RXFP2: variants seen among roughly 807,000 people sequenced by gnomAD.
RXFP2 encodes the protein relaxin family peptide receptor 2, also known as relaxin receptor 2.
Under a neutral mutation model 88.6 loss-of-function variants are expected in RXFP2, and 68 were observed. The observed-to-expected ratio is 0.77, with a 90% CI of 0.63 to 0.94. The LOEUF (loss-of-function observed/expected upper bound fraction) is 0.94. RXFP2 is among the 40% of genes least tolerant of loss of function. The pLI, the probability that RXFP2 is intolerant of heterozygous loss-of-function variation, is 0.00. For synonymous variants in RXFP2, 329 were observed against 306.8 expected, an observed-to-expected ratio of 1.07 and a Z score of -0.76; for missense variants, 791 against 893.9, an observed-to-expected ratio of 0.88 and a Z score of 1.47.
At chr13:31,743,214 C>T (rs116346694) in intron 1 of RXFP2, among the ~76,000 whole-genome samples, 2,554 of 152,238 alleles carry the variant, frequency 0.017, 68 homozygotes, top group African/African-American at 0.057. Flanking sequence ...GTGGCTCACA[C>T]CTGTAATCCT....
At chr13:31,751,174 T>C (rs190315597) in intron 1 of RXFP2, among the ~76,000 whole-genome samples, 24 of 152,100 alleles carry the variant, frequency 1.6e-4, no homozygotes, top group South Asian at 8.3e-4. Context: ...TGCCTGTAAT[T>C]CCGGCTACTT....
intron 1 of RXFP2, among the ~76,000 whole-genome samples, chr13:31,744,585 A>C (rs1023894048): frequency 1.3e-5 from 2 of 152,242 alleles, no homozygotes; most frequent in Non-Finnish European, 2.9e-5. Context: ...CTCGAGTGGC[A>C]TAATGGCTAT....
intron 1 of RXFP2, among the ~76,000 whole-genome samples, chr13:31,750,739 G>T (rs1410428023): frequency 6.6e-6 from 1 of 152,220 alleles, no homozygotes; most frequent in African/African-American, 2.4e-5. Flanking sequence ...ATTGGATTTA[G>T]TGTCAAAATG....
intron 1 of RXFP2, among the ~76,000 whole-genome samples, chr13:31,747,034 T>C (rs1871451363): frequency 6.6e-6 from 1 of 152,216 alleles, no homozygotes; most frequent in African/African-American, 2.4e-5. Context: ...TTTTTGGCTG[T>C]TTCCTGTTTC....
chr13:31,782,829 A>G, intron 11 of RXFP2, 82 bp downstream of exon 11: 2 of 862,322 alleles, frequency 2.3e-6, no homozygotes, highest in Middle Eastern at 6.2e-4. Flanking sequence ...CTGCTTTGCC[A>G]CTAGTAGCAA....
chr13:31,782,889 C>G, intron 11 of RXFP2, 142 bp downstream of exon 11: 1 of 651,140 alleles, frequency 1.5e-6, no homozygotes, highest in Non-Finnish European at 2.8e-6. Flanking sequence ...AGAAAACCAA[C>G]ATTATCCTGA....
intron 1 of RXFP2, among the ~76,000 whole-genome samples, chr13:31,748,433 T>C (rs1287799955): frequency 6.6e-6 from 1 of 152,220 alleles, no homozygotes; most frequent in Non-Finnish European, 1.5e-5. Context: ...ATACTAGTAA[T>C]CTTAGTGATA....
chr13:31,757,194 C>T (rs535164473), intron 1 of RXFP2, among the ~76,000 whole-genome samples: 90 of 152,182 alleles, frequency 5.9e-4, no homozygotes, highest in African/African-American at 2.0e-3. Flanking sequence ...TCTAACTAGT[C>T]CTGATTTATG....
intron 14 of RXFP2, among the ~76,000 whole-genome samples, chr13:31,790,430 G>C (rs992472601): frequency 6.6e-6 from 1 of 152,232 alleles, no homozygotes; most frequent in African/African-American, 2.4e-5. Flanking sequence ...TTGGATGCCA[G>C]ATATTAGGAA....
chr13:31,791,771 C>G, intron 14 of RXFP2, 35 bp from the exon 15 acceptor site: 1 of 1,442,202 alleles, frequency 6.9e-7, no homozygotes, highest in Non-Finnish European at 9.8e-7. Context: ...TGTATCATTG[C>G]TGCAAAGTGA....
chr13:31,796,453 A>G (rs115770590), intron 16 of RXFP2, among the ~76,000 whole-genome samples: 2,325 of 152,096 alleles, frequency 0.015, 55 homozygotes, highest in African/African-American at 0.053. Flanking sequence ...TGTTTATAGG[A>G]TAAGAAAATG....
intron 15 of RXFP2, among the ~76,000 whole-genome samples, chr13:31,792,459 A>G (rs1404070745): frequency 3.3e-5 from 5 of 152,222 alleles, no homozygotes; most frequent in African/African-American, 1.2e-4. Context: ...GATTTTTTTA[A>G]ACTACAAAAT....
chr13:31,802,563 C>A lies in RXFP2; in HGVS notation c.*158C>A. On this transcript the variant is annotated 3_prime_UTR_variant, in exon 18 of 18. Transcript: ENST00000298386. ...TCCTGTCACTGCATTCCAATGGCAG[C>A]TGTACTATCTACCAACCATGCTGAG... 1 of 811,222 alleles carries A rather than the reference C, an allele frequency of 1.2e-6. No homozygotes were observed. The highest frequency in any genetic ancestry group is 2.1e-6 in the Non-Finnish European group (1 of 479,272). 50.3% of individuals were successfully genotyped at this position (811,222 alleles called of 1,614,324 possible). A position where few individuals can be genotyped will look rare whatever the true frequency, so the allele number is the denominator to read the frequency against.
chr13:31,788,067 G>T (rs1593468175), intron 13 of RXFP2, among the ~76,000 whole-genome samples: 1 of 151,724 alleles, frequency 6.6e-6, no homozygotes, highest in Middle Eastern at 3.4e-3. Flanking sequence ...GGATGCTATA[G>T]GTTAGTAATC....
In RXFP2 at chr13:31,747,579, C is replaced by A. The variant is rs187093999; in HGVS notation, c.94+7873C>A. The stretch of plus-strand genomic sequence containing the variant: ...GGTCTTTGTGGCTCACTTACAGAAA[C>A]GGCATTGCTATTCCGGAAAATGTTA... On this transcript the variant is annotated intron_variant, in intron 1 of 17. Coordinates refer to ENST00000298386, the MANE Select transcript of RXFP2 (RefSeq NM_130806.5). 2.7e-4 allele frequency among the ~76,000 whole-genome samples: 41 copies of A among 152,274 alleles called. No individual in the cohort carries two copies. The East Asian group carries it at 6.8e-3, about 25-fold the overall frequency.
At chr13:31,755,107 C>T (rs564199927) in intron 1 of RXFP2, among the ~76,000 whole-genome samples, 1 of 152,248 alleles carries the variant, frequency 6.6e-6, no homozygotes, top group South Asian at 2.1e-4. Flanking sequence ...TGTGAGGAAA[C>T]TAAGATTTAA....
intron 9 of RXFP2, among the ~76,000 whole-genome samples, chr13:31,781,201 T>C (rs1356506333): frequency 6.6e-6 from 1 of 152,180 alleles, no homozygotes; most frequent in African/African-American, 2.4e-5. Context: ...GTGTCTAGGC[T>C]TTAGATTCTG....
intron 10 of RXFP2, 28 bp from the exon 11 acceptor site, chr13:31,782,648 A>G (rs1873340806): frequency 6.4e-7 from 1 of 1,556,452 alleles, no homozygotes; most frequent in Admixed American, 1.7e-5. Context: ...ACGCAAACCC[A>G]CATGCTGATT....
chr13:31,747,719 C>T (rs1164128999), intron 1 of RXFP2, among the ~76,000 whole-genome samples: 1 of 152,058 alleles, frequency 6.6e-6, no homozygotes, highest in Admixed American at 6.6e-5. Flanking sequence ...TGGCAAAAAC[C>T]ACAATTTATT....
Sources: allele counts gnomAD v4.1 joint callset (sites outside exome capture counted in the v4.1 genomes callset), GRCh38; gene constraint gnomAD v4.1.1; transcripts MANE v1.5; gene names NCBI Gene and HGNC (gene_info 2026-07-23, HGNC 2026-07-21).